The following MYO9B variants were observed in gnomAD, a reference collection of about 807,000 sequenced individuals.
The protein encoded by MYO9B is unconventional myosin-IXb.
MYO9B carries 71 observed loss-of-function variants against 229.5 expected under a neutral mutation model. That is an observed-to-expected ratio of 0.31 (90% CI 0.26 to 0.38). The LOEUF (loss-of-function observed/expected upper bound fraction) is 0.38. MYO9B is among the 10% of genes least tolerant of loss of function. The pLI, the probability that MYO9B is intolerant of heterozygous loss-of-function variation, is 1.00. For missense variants in MYO9B, 2,255 were observed against 2,920.5 expected (o/e 0.77, Z 5.25); for synonymous variants, 1,185 against 1,235.8 (o/e 0.96, Z 0.86).
chr19:17,204,918 G>A lies in MYO9B; in HGVS notation c.4991-345G>A, dbSNP rs1466995077. Among the ~76,000 whole-genome samples, 5 of 152,110 alleles carry A rather than the reference G, an allele frequency of 3.3e-5. No homozygotes were observed. The South Asian group carries it at 6.2e-4, about 19-fold the overall frequency. On this transcript the variant is annotated intron_variant, in intron 30 of 39. Transcript: ENST00000682292. ...TCTAATCCCAACACTTTGGGAGGCC[G>A]AGGTGGGCAGATCACCTGAGGTCGG...
chr19:17,196,423 C>T (rs988301898), intron 22 of MYO9B, among the ~76,000 whole-genome samples: 5 of 151,852 alleles, frequency 3.3e-5, no homozygotes, highest in African/African-American at 4.8e-5. Context: ...AGGCTGGGCG[C>T]GATGGCTCAT....
chr19:17,124,979 C>T (rs1000427544), intron 2 of MYO9B, among the ~76,000 whole-genome samples: 1 of 151,880 alleles, frequency 6.6e-6, no homozygotes, highest in Non-Finnish European at 1.5e-5. Context: ...CAAAGTAACC[C>T]CCAAAGAGAA....
intron 2 of MYO9B, among the ~76,000 whole-genome samples, chr19:17,114,326 T>C (rs978838802): frequency 6.6e-6 from 1 of 151,966 alleles, no homozygotes; most frequent in Admixed American, 6.6e-5. Flanking sequence ...CGGGAAGCAG[T>C]TTCAGTCCGG....
rs869297825 is a variant in MYO9B, at chr19:17,134,381, G to GTTTTTTTTTTTTT, written c.841-11000_841-10988dup. On this transcript the variant is annotated intron_variant, in intron 2 of 39. Coordinates refer to ENST00000682292, the MANE Select transcript of MYO9B (RefSeq NM_004145.4). Reference sequence around the variant, plus strand: ...CTTTGTTTTTTTTTTCGTTTTGTTTGTTTTTTTTTTTTTTTTTTTTTTTTT... The same window carrying GTTTTTTTTTTTTT: ...CTTTGTTTTTTTTTTCGTTTTGTTTGTTTTTTTTTTTTTTTTTTTTTTTTTTTTTTTTTTTTTT... Among the ~76,000 whole-genome samples, 15 of 46,478 alleles carry GTTTTTTTTTTTTT rather than the reference G, an allele frequency of 3.2e-4. 3 individuals are homozygous for GTTTTTTTTTTTTT. The highest frequency in any genetic ancestry group is 8.9e-4 in the African/African-American group (10 of 11,200). 30.5% of individuals were successfully genotyped at this position (46,478 alleles called of 152,430 possible). A position where few individuals can be genotyped will look rare whatever the true frequency, so the allele number is the denominator to read the frequency against.
At chr19:17,205,371 C>T (rs1599425892) in intron 31 of MYO9B, 35 bp downstream of exon 31, 4 of 1,587,430 alleles carry the variant, frequency 2.5e-6, no homozygotes, top group South Asian at 2.2e-5. Flanking sequence ...TCTACAATGA[C>T]ACTCCACTCA....
intron 1 of MYO9B, among the ~76,000 whole-genome samples, chr19:17,082,073 T>G (rs903707226): frequency 6.6e-6 from 1 of 152,130 alleles, no homozygotes; most frequent in African/African-American, 2.4e-5. Context: ...CACAAGTGAT[T>G]GAACAAAAGA....
intron 11 of MYO9B, among the ~76,000 whole-genome samples, chr19:17,171,321 T>C (rs1179238718): frequency 6.6e-6 from 1 of 152,072 alleles, no homozygotes; most frequent in African/African-American, 2.4e-5. Context: ...AGTCCCTTAT[T>C]CTGCCCCCAC....
chr19:17,086,566 G>A (rs182088139), intron 1 of MYO9B, among the ~76,000 whole-genome samples: 1 of 152,236 alleles, frequency 6.6e-6, no homozygotes, highest in Admixed American at 6.5e-5. Flanking sequence ...GTATCCCCTC[G>A]CCACAAGTGG....
intron 2 of MYO9B, among the ~76,000 whole-genome samples, chr19:17,112,731 C>T (rs1452559838): frequency 2.0e-5 from 3 of 152,210 alleles, no homozygotes; most frequent in African/African-American, 4.8e-5. Context: ...CAAAGAATCC[C>T]GCAGCCCCAG....
At chr19:17,179,037 A>C (rs2072823660) in intron 14 of MYO9B, among the ~76,000 whole-genome samples, 2 of 151,532 alleles carry the variant, frequency 1.3e-5, no homozygotes, top group Admixed American at 6.6e-5. Context: ...TAAAAAAAAA[A>C]AAAAAAAAAA....
chr19:17,148,503 C>T (rs1251608525), intron 3 of MYO9B, among the ~76,000 whole-genome samples: 4 of 152,186 alleles, frequency 2.6e-5, no homozygotes, highest in African/African-American at 7.2e-5. Flanking sequence ...CCTCCTCCAG[C>T]TTCTGGTGGC....
intron 11 of MYO9B, among the ~76,000 whole-genome samples, chr19:17,168,556 A>G (rs1023580627): frequency 6.6e-6 from 1 of 152,264 alleles, no homozygotes; most frequent in African/African-American, 2.4e-5. Flanking sequence ...TTGTGAAAAC[A>G]TCAACACGTG....
intron 2 of MYO9B, among the ~76,000 whole-genome samples, chr19:17,108,756 G>C (rs1568665719): frequency 6.6e-6 from 1 of 151,940 alleles, no homozygotes; most frequent in South Asian, 2.1e-4. Flanking sequence ...TTGCTCTATC[G>C]CCCAGGCTGG....
intron 10 of MYO9B, among the ~76,000 whole-genome samples, chr19:17,167,022 C>T (rs191553195): frequency 2.0e-5 from 3 of 152,046 alleles, no homozygotes; most frequent in East Asian, 1.9e-4. Context: ...GTGGGGATCC[C>T]TTATCCAAAC....
chr19:17,123,661 A>C (rs4570994), intron 2 of MYO9B, among the ~76,000 whole-genome samples: 4 of 151,906 alleles, frequency 2.6e-5, no homozygotes, highest in African/African-American at 7.3e-5. Context: ...CGTCTGTCAC[A>C]GCCTCCCAAA....
rs1279225917 is a variant in MYO9B at position 17,184,872 on chromosome 19, T to C, written c.2381T>C (p.Leu794Pro). 1 of 1,613,830 alleles carries C rather than the reference T, an allele frequency of 6.2e-7. No homozygotes were observed. Among genetic ancestry groups the C allele is most frequent in the East Asian group, 2.2e-5 (1 of 44,868 alleles). ...KQKQIIPKNL[L>P]DSKSLKLIIS... ...CCCATGTGTCTGTCCTAGAACCTAC[T>C]GGACTCCAAGTCCCTGAAACTCATC... The change falls in exon 17 of 40, where the codon CTG (leucine) becomes CCG (proline). Residue 794 changes from leucine (L) to proline (P), a missense_variant. Leu to Pro is a moderately conservative substitution (Grantham distance 98, BLOSUM62 -3). This residue lies in a region of MYO9B where 155 missense variants were observed against 159.1 expected (regional missense o/e 0.97). Transcript: ENST00000682292.
At chr19:17,154,467 C>A in intron 6 of MYO9B, 52 bp downstream of exon 6, 1 of 1,407,482 alleles carries the variant, frequency 7.1e-7, no homozygotes, top group East Asian at 2.3e-5. Context: ...AGGGGGCACG[C>A]ATGGCCCTTA....
intron 2 of MYO9B, 86 bp from the exon 3 acceptor site, chr19:17,145,311 T>C (rs966853963): frequency 2.5e-6 from 3 of 1,209,700 alleles, no homozygotes; most frequent in East Asian, 2.3e-5. Context: ...ATACAAAATA[T>C]AAAAGCACAG....
At chr19:17,197,382 AGGAT>A (rs972965986) in intron 22 of MYO9B, among the ~76,000 whole-genome samples, 15 of 147,242 alleles carry the variant, frequency 1.0e-4, no homozygotes, top group Non-Finnish European at 1.5e-4. Flanking sequence ...AATGAGTAGA[AGGAT>A]GGATGGATGG....
Sources: gnomAD v4.1 joint callset for allele counts (sites outside exome capture counted in the v4.1 genomes callset) on GRCh38, gnomAD v4.1.1 for gene constraint, gnomAD v4.1.1 regional missense constraint, MANE v1.5 for transcripts, NCBI Gene and HGNC (gene_info 2026-07-23, HGNC 2026-07-21) for gene names.